The following SKAP2 variants were observed in gnomAD, a reference collection of about 807,000 sequenced individuals.
SKAP2 encodes the protein src kinase-associated phosphoprotein 2.
Under a neutral mutation model 54.9 loss-of-function variants are expected in SKAP2, and 28 were observed. The ratio of observed to expected loss-of-function variants is 0.51; its 90% CI spans 0.38 to 0.70. The LOEUF is 0.70. SKAP2 is among the 30% of genes least tolerant of loss of function. The pLI is 0.00. For missense variants in SKAP2, 356 were observed against 424.1 expected, an observed-to-expected ratio of 0.84 and a Z score of 1.41; for synonymous variants, 137 against 134.3, an observed-to-expected ratio of 1.02 and a Z score of -0.14.
chr7:26,854,678 C>T, intron 2 of SKAP2, 107 bp downstream of exon 2: 1 of 1,160,168 alleles, frequency 8.6e-7, no homozygotes, highest in Non-Finnish European at 1.2e-6. Context: ...ATCAGTTAAA[C>T]TGGAACATGA....
intron 4 of SKAP2, among the ~76,000 whole-genome samples, chr7:26,769,015 T>TG (rs1429268290): frequency 6.6e-6 from 1 of 152,224 alleles, no homozygotes; most frequent in Middle Eastern, 3.2e-3. Flanking sequence ...CTTTCTAGGC[T>TG]GGGGAAGTTC....
intron 1 of SKAP2, 100 bp downstream of exon 1, chr7:26,864,263 G>C: frequency 1.9e-5 from 27 of 1,425,850 alleles, no homozygotes; most frequent in Non-Finnish European, 2.6e-5. Flanking sequence ...TGGGAAGCGC[G>C]GGGAGGGAGG....
chr7:26,731,458 T>A (rs1236517718), intron 6 of SKAP2, among the ~76,000 whole-genome samples: 1 of 152,186 alleles, frequency 6.6e-6, no homozygotes, highest in Non-Finnish European at 1.5e-5. Flanking sequence ...TTGTTCTAAG[T>A]CTTGCTCTCT....
intron 4 of SKAP2, among the ~76,000 whole-genome samples, chr7:26,759,965 G>A (rs1205011374): frequency 3.3e-5 from 4 of 120,852 alleles, no homozygotes; most frequent in Admixed American, 3.3e-4. Flanking sequence ...AAAGCTTTGA[G>A]TGAAAAAAAG....
intron 4 of SKAP2, among the ~76,000 whole-genome samples, chr7:26,793,805 A>G (rs865953148): frequency 1.4e-4 from 21 of 152,224 alleles, no homozygotes; most frequent in African/African-American, 4.8e-4. Context: ...CAGATGAATG[A>G]AATATAGAGC....
chr7:26,823,791 C>T (rs1784432232), intron 4 of SKAP2, among the ~76,000 whole-genome samples: 1 of 152,166 alleles, frequency 6.6e-6, no homozygotes, highest in African/African-American at 2.4e-5. Flanking sequence ...AAGAGACCTA[C>T]AATTAGAAGT....
intron 4 of SKAP2, among the ~76,000 whole-genome samples, chr7:26,767,387 C>G (rs1418259927): frequency 6.6e-6 from 1 of 152,012 alleles, no homozygotes; most frequent in Non-Finnish European, 1.5e-5. Context: ...GGCAAGTGGT[C>G]TGTTTTGTTA....
At chr7:26,776,201 C>CT (rs1783304460) in intron 4 of SKAP2, among the ~76,000 whole-genome samples, 1 of 152,084 alleles carries the variant, frequency 6.6e-6, no homozygotes, top group African/African-American at 2.4e-5. Flanking sequence ...TCTTATGCCC[C>CT]TTATCCCCGT....
At position 26,803,029 on chromosome 7, in the gene SKAP2, T is replaced by C. The variant is rs569851916; in HGVS notation, c.307+41001A>G. The stretch of plus-strand genomic sequence containing the variant: ...ACTATGAAACTACTACAAGAAAACA[T>C]TGGAGAAAATTTCCAGGACATTAGT... On this transcript the variant is annotated intron_variant, in intron 4 of 12. Transcript: ENST00000345317. Among the ~76,000 whole-genome samples the C allele has an allele frequency of 2.2e-4, 33 of 152,218 alleles. No individual in the cohort carries two copies. The South Asian group carries it at 3.7e-3, about 17-fold the overall frequency.
intron 4 of SKAP2, among the ~76,000 whole-genome samples, chr7:26,798,687 C>A (rs188767293): frequency 7.7e-4 from 117 of 151,510 alleles, no homozygotes; most frequent in African/African-American, 2.7e-3. Context: ...ATGAACCAAT[C>A]AAAAATAACT....
At chr7:26,793,114 T>C (rs1783703631) in intron 4 of SKAP2, among the ~76,000 whole-genome samples, 1 of 152,172 alleles carries the variant, frequency 6.6e-6, no homozygotes. Context: ...GTGCTAAACT[T>C]CCTTACCTAC....
At position 26,845,711 on chromosome 7, in the gene SKAP2, C is replaced by T. The variant is rs528492044; in HGVS notation, c.200-1574G>A. On this transcript the variant is annotated intron_variant, in intron 3 of 12. Coordinates refer to ENST00000345317, the MANE Select transcript of SKAP2 (RefSeq NM_003930.5). ...CTCAGCATGCTTGAGGCCAGAAGAT[C>T]GCTTGTGGCCAGGAATTAGACACCA... Among the ~76,000 whole-genome samples, 14 of 152,242 alleles carry T rather than the reference C, an allele frequency of 9.2e-5. No individual in the cohort carries two copies. In the East Asian group the frequency reaches 1.9e-3, roughly 21 times the overall value.
At chr7:26,704,458 A>T (rs1282625130) in intron 9 of SKAP2, among the ~76,000 whole-genome samples, 2 of 152,218 alleles carry the variant, frequency 1.3e-5, no homozygotes, top group Non-Finnish European at 2.9e-5. Context: ...AGACATGAAA[A>T]ATACAGCAAA....
In SKAP2 at chr7:26,724,060, A is replaced by G. The variant is rs918632814; in HGVS notation, c.796+1368T>C. Among the ~76,000 whole-genome samples the G allele has an allele frequency of 4.0e-5, 6 of 148,570 alleles. No individual in the cohort carries two copies. In the South Asian group the frequency reaches 1.2e-3, roughly 31 times the overall value. The stretch of plus-strand genomic sequence containing the variant: ...AATAAACATGTAGCTCCACTAAACA[A>G]CTGAAATACACAGATCACTATTCCC... On this transcript the variant is annotated intron_variant, in intron 9 of 12. Coordinates refer to ENST00000345317, the MANE Select transcript of SKAP2 (RefSeq NM_003930.5).
chr7:26,739,024 A>T, intron 5 of SKAP2, 146 bp from the exon 6 acceptor site: 1 of 632,376 alleles, frequency 1.6e-6, no homozygotes, highest in South Asian at 1.9e-5. Flanking sequence ...CCAAACAACA[A>T]CAAACCAACA....
At chr7:26,663,748 C>T (rs1786058681), downstream of SKAP2, among the ~76,000 whole-genome samples, 1 of 152,104 alleles carries the variant, frequency 6.6e-6, no homozygotes, top group African/African-American at 2.4e-5. Flanking sequence ...TACTGGGCTT[C>T]ACATTGGAGG....
At chr7:26,683,793 C>T (rs1584328707) in intron 11 of SKAP2, among the ~76,000 whole-genome samples, 1 of 152,148 alleles carries the variant, frequency 6.6e-6, no homozygotes, top group East Asian at 1.9e-4. Flanking sequence ...GGCCTTCTTT[C>T]CAAATTGTCT....
chr7:26,729,641 A>C (rs972102940), intron 6 of SKAP2, among the ~76,000 whole-genome samples: 1 of 152,150 alleles, frequency 6.6e-6, no homozygotes, highest in Admixed American at 6.6e-5. Context: ...AGTAGAACTA[A>C]CATTGTGGAA....
intron 4 of SKAP2, among the ~76,000 whole-genome samples, chr7:26,756,788 T>A (rs2127968911): frequency 6.6e-6 from 1 of 152,332 alleles, no homozygotes; most frequent in Admixed American, 6.5e-5. Context: ...TAGTTTACAG[T>A]CCCACCAACA....
Sources: allele counts gnomAD v4.1 joint callset (sites outside exome capture counted in the v4.1 genomes callset), GRCh38; gene constraint gnomAD v4.1.1; transcripts MANE v1.5; gene names NCBI Gene and HGNC (gene_info 2026-07-23, HGNC 2026-07-21).